Variants in GRM8 observed in about 807,000 individuals in gnomAD.
GRM8 encodes the protein glutamate metabotropic receptor 8.
A neutral mutation model predicts 87.2 loss-of-function variants in GRM8; 47 were observed. That is an observed-to-expected ratio of 0.54 (90% CI 0.43 to 0.69). GRM8 has a LOEUF of 0.69. GRM8 is among the 30% of genes least tolerant of loss of function. The pLI, the probability that GRM8 is intolerant of heterozygous loss-of-function variation, is 0.00. For missense variants in GRM8, 1,019 were observed against 1,139.2 expected, an observed-to-expected ratio of 0.89 and a Z score of 1.52; for synonymous variants, 396 against 404.5, an observed-to-expected ratio of 0.98 and a Z score of 0.25.
At chr7:126,713,705 G>C (rs915423566) in intron 7 of GRM8, among the ~76,000 whole-genome samples, 1 of 151,870 alleles carries the variant, frequency 6.6e-6, no homozygotes, top group East Asian at 1.9e-4. Context: ...AAGGCTAGTG[G>C]GTGGGGAAAA....
chr7:127,218,915 C>T (rs892288477), intron 2 of GRM8, among the ~76,000 whole-genome samples: 2 of 152,200 alleles, frequency 1.3e-5, no homozygotes, highest in African/African-American at 2.4e-5. Flanking sequence ...CATTATGAAC[C>T]TTTCAGCTCT....
chr7:126,936,721 A>G (rs1806369035), intron 3 of GRM8, among the ~76,000 whole-genome samples: 1 of 152,072 alleles, frequency 6.6e-6, no homozygotes, highest in African/African-American at 2.4e-5. Flanking sequence ...GGATTGTGGG[A>G]GCCAGTTTCA....
chr7:126,601,712 T>C lies in GRM8; in HGVS notation c.1494+7650A>G, dbSNP rs1797792742. On this transcript the variant is annotated intron_variant, in intron 8 of 10. Transcript: ENST00000339582. ...GATGAGCATTTTTTCATGTGTTTTTTGGCTGCATAAATGTCTTCTTTTGAG... is the reference window on the plus strand; with the variant it reads ...GATGAGCATTTTTTCATGTGTTTTTCGGCTGCATAAATGTCTTCTTTTGAG... Among the ~76,000 whole-genome samples the C allele has an allele frequency of 3.3e-5, 5 of 149,812 alleles. No homozygotes were observed. The South Asian group carries it at 1.1e-3, about 33-fold the overall frequency.
chr7:126,597,653 A>G (rs921071574), intron 8 of GRM8, among the ~76,000 whole-genome samples: 2 of 152,094 alleles, frequency 1.3e-5, no homozygotes, highest in African/African-American at 4.8e-5. Flanking sequence ...ATAAAAGTCT[A>G]GAGTCACTAG....
At chr7:126,448,349 G>T (rs1190401906) in intron 9 of GRM8, among the ~76,000 whole-genome samples, 1 of 151,842 alleles carries the variant, frequency 6.6e-6, no homozygotes, top group Non-Finnish European at 1.5e-5. Context: ...TGTTAGTCTT[G>T]CTAACATGTA....
At chr7:126,812,074 T>C (rs1793351958) in intron 6 of GRM8, among the ~76,000 whole-genome samples, 1 of 152,022 alleles carries the variant, frequency 6.6e-6, no homozygotes. Context: ...AGTTCGCCAC[T>C]ATGCAATATA....
chr7:126,568,066 A>C (rs1356547078), intron 8 of GRM8, among the ~76,000 whole-genome samples: 1 of 152,204 alleles, frequency 6.6e-6, no homozygotes, highest in Admixed American at 6.6e-5. Context: ...AATTAAAATT[A>C]TTTGGTAAAC....
intron 3 of GRM8, among the ~76,000 whole-genome samples, chr7:127,015,445 T>C (rs900800181): frequency 6.6e-6 from 1 of 151,946 alleles, no homozygotes; most frequent in East Asian, 1.9e-4. Flanking sequence ...GAGGTTCAAG[T>C]AGGAAGAGAA....
At chr7:126,550,679 T>C (rs1226728950) in intron 8 of GRM8, among the ~76,000 whole-genome samples, 6 of 151,824 alleles carry the variant, frequency 4.0e-5, no homozygotes, top group Admixed American at 3.3e-4. Flanking sequence ...TCTGTACTTA[T>C]AACAAAAATT....
chr7:126,609,487 T>C lies in GRM8; in HGVS notation c.1369A>G (p.Thr457Ala). The C allele has an allele frequency of 6.2e-7, 1 of 1,611,034 alleles. No homozygotes were observed. The highest frequency in any genetic ancestry group is 8.5e-7 in the Non-Finnish European group (1 of 1,177,596). Residue 457 changes from threonine to alanine, a missense_variant, in exon 8 of 11, where the codon ACT (threonine) becomes GCT (alanine). Transcript: ENST00000339582. ...RAVNFNGSAG[T>A]PVTFNENGDA... The stretch of plus-strand genomic sequence containing the variant: ...CCGTTTTCATTAAAAGTGACAGGAG[T>C]GCCAGCACTGCCTATAAAGATTTAG...
chr7:126,761,051 T>G (rs1397573526), intron 7 of GRM8, among the ~76,000 whole-genome samples: 2 of 151,964 alleles, frequency 1.3e-5, no homozygotes, highest in Non-Finnish European at 2.9e-5. Context: ...CAAAAAAAAT[T>G]AGCCGGCTTG....
In GRM8 at chr7:126,806,472, G is replaced by A. The variant is rs74751186; in HGVS notation, c.1157-36407C>T. Among the ~76,000 whole-genome samples the A allele has an allele frequency of 2.8e-3, 425 of 152,356 alleles. 6 individuals are homozygous for A. In the East Asian group the frequency reaches 0.047, roughly 17 times the overall value. ...GTGCATTGTGGCTGCTTGCGCAGCT[G>A]GCCTGCTTTTATTCCCCTATCTGGC... On this transcript the variant is annotated intron_variant, in intron 6 of 10. Coordinates refer to ENST00000339582, the MANE Select transcript of GRM8 (RefSeq NM_000845.3).
intron 3 of GRM8, among the ~76,000 whole-genome samples, chr7:126,942,631 A>G (rs1191772954): frequency 1.3e-5 from 2 of 152,176 alleles, no homozygotes; most frequent in South Asian, 2.1e-4. Flanking sequence ...CATGAGGAGT[A>G]TGTGAATGTC....
chr7:126,916,037 GA>G (rs750579631), intron 3 of GRM8, among the ~76,000 whole-genome samples: 3 of 152,110 alleles, frequency 2.0e-5, no homozygotes, highest in Non-Finnish European at 4.4e-5. Flanking sequence ...AATACAACAG[GA>G]AGATTTCAAA....
chr7:126,623,841 G>T (rs1207011950), intron 7 of GRM8, among the ~76,000 whole-genome samples: 1 of 152,198 alleles, frequency 6.6e-6, no homozygotes, highest in Non-Finnish European at 1.5e-5. Flanking sequence ...CACTTAAGAG[G>T]CTGAGTTGGG....
intron 6 of GRM8, among the ~76,000 whole-genome samples, chr7:126,882,241 C>T (rs888166128): frequency 6.6e-6 from 1 of 151,950 alleles, no homozygotes; most frequent in Non-Finnish European, 1.5e-5. Context: ...CATCTAGCTT[C>T]GCATCTGACA....
At chr7:127,215,756 T>C (rs137918390) in intron 2 of GRM8, among the ~76,000 whole-genome samples, 2,224 of 152,312 alleles carry the variant, frequency 0.015, 47 homozygotes, top group African/African-American at 0.049. Context: ...TTCTTCATAA[T>C]ACTAGAAGCA....
At chr7:126,543,867 A>G (rs1816824932) in intron 8 of GRM8, among the ~76,000 whole-genome samples, 1 of 152,242 alleles carries the variant, frequency 6.6e-6, no homozygotes, top group African/African-American at 2.4e-5. Context: ...TAACTAGGGA[A>G]GAATCTAGTC....
At chr7:126,995,276 C>T (rs1394043174) in intron 3 of GRM8, among the ~76,000 whole-genome samples, 2 of 152,100 alleles carry the variant, frequency 1.3e-5, no homozygotes, top group African/African-American at 2.4e-5. Context: ...ACAATAAATA[C>T]CCAACTCTTT....
Sources: allele counts gnomAD v4.1 joint callset (sites outside exome capture counted in the v4.1 genomes callset), GRCh38; gene constraint gnomAD v4.1.1; transcripts MANE v1.5; gene names NCBI Gene and HGNC (gene_info 2026-07-23, HGNC 2026-07-21).